The following KTN1 variants were observed in gnomAD, a reference collection of about 807,000 sequenced individuals.
KTN1 encodes the protein kinectin 1.
Under a neutral mutation model 222.5 loss-of-function variants are expected in KTN1, and 130 were observed. The ratio of observed to expected loss-of-function variants is 0.58; its 90% CI spans 0.51 to 0.68. The LOEUF (loss-of-function observed/expected upper bound fraction) is 0.68. KTN1 is among the 30% of genes least tolerant of loss of function. The probability of loss-of-function intolerance (pLI) is 0.00; values close to 1 mark genes in which losing one functional copy is unlikely to be tolerated. For synonymous variants in KTN1, 512 were observed against 496.3 expected, an observed-to-expected ratio of 1.03 and a Z score of -0.42; for missense variants, 1,508 against 1,500.4, an observed-to-expected ratio of 1.01 and a Z score of -0.08.
chr14:55,664,890 A>C (rs1158412876), intron 33 of KTN1, among the ~76,000 whole-genome samples: 1 of 152,138 alleles, frequency 6.6e-6, no homozygotes, highest in Non-Finnish European at 1.5e-5. Flanking sequence ...GATTAATTTT[A>C]GCACTATGAA....
intron 34 of KTN1, 82 bp downstream of exon 34, chr14:55,667,412 T>G: frequency 1.4e-6 from 1 of 738,840 alleles, no homozygotes; most frequent in Non-Finnish European, 2.2e-6. Context: ...GCACTCCACT[T>G]GGTTTCAGTA....
Position 55,612,297 on chromosome 14 carries a change from C to T in KTN1, c.249C>T (p.Asp83=). 6.2e-7 allele frequency: 1 copy of T among 1,613,406 alleles called. No individual in the cohort carries two copies. The highest frequency in any genetic ancestry group is 8.5e-7 in the Non-Finnish European group (1 of 1,179,874). The part of the protein sequence containing the change: ...HESDSESVPR[D]FKLSDALAVE... ...CCGACTCTGAGAGTGTACCTCGAGA[C>T]TTTAAATTATCAGATGCTTTGGCAG... is the stretch of plus-strand genomic sequence containing the variant. Residue 83 remains aspartate, a synonymous_variant, in exon 2 of 44, where the codon GAC becomes GAT. Transcript: ENST00000395314.
At position 55,616,632 on chromosome 14, in the gene KTN1, A is replaced by C. The variant is rs764832530; in HGVS notation, c.639A>C (p.Ser213=). The C allele has an allele frequency of 2.4e-5, 38 of 1,594,164 alleles. No individual in the cohort carries two copies. The South Asian group carries it at 4.2e-4, about 18-fold the overall frequency. ...GATCAGGGAAGAAGAAAGCTTCATC[A>C]AAGAAACAAAAGACAGAAAATGGTG... ...ESGSGKKKAS[S]KKQKTENVFV... is the part of the protein sequence containing the mutation. Residue 213 remains serine, a synonymous_variant, in exon 3 of 44, where the codon TCA becomes TCC. Coordinates refer to ENST00000395314, the MANE Select transcript of KTN1 (RefSeq NM_001079521.2).
chr14:55,581,527 G>GGTGT (rs955657474), intron 1 of KTN1, among the ~76,000 whole-genome samples: 1 of 151,434 alleles, frequency 6.6e-6, no homozygotes, highest in Non-Finnish European at 1.5e-5. Context: ...TAACTGTTAA[G>GGTGT]GTGTGTGTGT....
At chr14:55,681,002 C>T (rs554143359) in intron 43 of KTN1, 27 of 276,604 alleles carry the variant, frequency 9.8e-5, no homozygotes, top group Non-Finnish European at 1.7e-4. Context: ...GTCTTGAAAA[C>T]ATGCTCAGAT....
intron 2 of KTN1, among the ~76,000 whole-genome samples, chr14:55,614,992 C>T (rs888221859): frequency 1.3e-5 from 2 of 151,976 alleles, no homozygotes; most frequent in Admixed American, 6.6e-5. Flanking sequence ...AAGCCTTAAG[C>T]GTGAAGGTAG....
chr14:55,581,122 C>G (rs142150311), intron 1 of KTN1, among the ~76,000 whole-genome samples: 1 of 152,212 alleles, frequency 6.6e-6, no homozygotes, highest in Non-Finnish European at 1.5e-5. Flanking sequence ...GGGACCTCGC[C>G]GGAAAACTAC....
In KTN1 at chr14:55,637,439, AC is replaced by A. The variant is rs1002389880; in HGVS notation, c.1716+76del. 3.0e-5 allele frequency: 31 copies of A among 1,016,852 alleles called. No homozygotes were observed. In the African/African-American group the frequency reaches 3.1e-4, roughly 10 times the overall value. 63.0% of individuals were successfully genotyped at this position (1,016,852 alleles called of 1,614,324 possible). On this transcript the variant is annotated intron_variant, in intron 11 of 43. Transcript: ENST00000395314. ...TTAGATCTGTGTGTCTAGAAGAGAG[AC>A]TAAAGTCTACCTTATCCTAATTCTG...
At chr14:55,630,860 A>G (rs1566751563) in intron 7 of KTN1, among the ~76,000 whole-genome samples, 2 of 152,208 alleles carry the variant, frequency 1.3e-5, no homozygotes, top group Admixed American at 6.5e-5. Context: ...GCCTGAAATT[A>G]GATGTTGACA....
intron 7 of KTN1, among the ~76,000 whole-genome samples, chr14:55,632,926 G>A (rs549591303): frequency 2.6e-5 from 4 of 152,160 alleles, no homozygotes; most frequent in East Asian, 1.9e-4. Flanking sequence ...GAATCTATTC[G>A]GTAGGAAAGA....
chr14:55,663,473 C>G (rs1445165777), intron 32 of KTN1: 9 of 162,818 alleles, frequency 5.5e-5, no homozygotes, highest in Admixed American at 1.8e-4. Context: ...TATGGGATTC[C>G]TAGGTAGATT....
intron 43 of KTN1, chr14:55,680,661 AC>A: frequency 7.4e-7 from 1 of 1,346,994 alleles, no homozygotes; most frequent in South Asian, 1.1e-5. Flanking sequence ...TTTTGATCTT[AC>A]AGGAGCGTTT....
At chr14:55,582,137 A>T (rs1202294228) in intron 1 of KTN1, among the ~76,000 whole-genome samples, 2 of 152,182 alleles carry the variant, frequency 1.3e-5, no homozygotes, top group Admixed American at 6.5e-5. Flanking sequence ...AATTTTCTTA[A>T]TACTTGAAAA....
At chr14:55,640,752 ATAGTC>A (rs977316205) in intron 15 of KTN1, among the ~76,000 whole-genome samples, 176 bp from the exon 16 acceptor site, 84 of 152,186 alleles carry the variant, frequency 5.5e-4, no homozygotes, top group African/African-American at 1.8e-3. Flanking sequence ...AGAATGGAAA[ATAGTC>A]TAGAATAAAA....
At chr14:55,630,239 A>T (rs1389199896) in intron 7 of KTN1, 142 bp downstream of exon 7, 22 of 713,170 alleles carry the variant, frequency 3.1e-5, no homozygotes, top group Non-Finnish European at 4.7e-6. Context: ...GTCCTAAGTA[A>T]AACAACTTTT....
In KTN1 at chr14:55,654,538, A is replaced by AT. The variant is rs143099004; in HGVS notation, c.2801+956dup. ...AATTTTAGGTATATTTCTGCCTTAC[A>AT]TTTTTTTTTTTTTTGCCATTTTCTT... is the stretch of plus-strand genomic sequence containing the variant. On this transcript the variant is annotated intron_variant, in intron 28 of 43. Coordinates refer to ENST00000395314, the MANE Select transcript of KTN1 (RefSeq NM_001079521.2). 2.5e-3 allele frequency among the ~76,000 whole-genome samples: 348 copies of AT among 140,932 alleles called. 1 individual carries two copies. Among genetic ancestry groups the AT allele is most frequent in the South Asian group, 8.9e-3 (40 of 4,508 alleles). The allele number at this position is 140,932 out of a possible 152,430, so 92.5% of individuals were successfully genotyped here. A position where few individuals can be genotyped will look rare whatever the true frequency, so the allele number is the denominator to read the frequency against.
intron 37 of KTN1, 110 bp downstream of exon 37, chr14:55,671,987 C>A: frequency 1.5e-6 from 1 of 674,938 alleles, no homozygotes. Flanking sequence ...CTACCAAATC[C>A]AAAACATGTA....
chr14:55,584,680 C>G (rs1430478097), intron 1 of KTN1, among the ~76,000 whole-genome samples: 1 of 152,106 alleles, frequency 6.6e-6, no homozygotes, highest in Non-Finnish European at 1.5e-5. Context: ...TATATAATTT[C>G]CTGGTTGTGT....
At chr14:55,605,280 T>A (rs559708890) in intron 1 of KTN1, among the ~76,000 whole-genome samples, 1 of 152,210 alleles carries the variant, frequency 6.6e-6, no homozygotes, top group Non-Finnish European at 1.5e-5. Context: ...GTTTTATTTA[T>A]TTAGTTAGTT....
Sources: allele counts gnomAD v4.1 joint callset (sites outside exome capture counted in the v4.1 genomes callset), GRCh38; gene constraint gnomAD v4.1.1; transcripts MANE v1.5; gene names NCBI Gene and HGNC (gene_info 2026-07-23, HGNC 2026-07-21).